SPECC1: variants seen among roughly 807,000 people sequenced by gnomAD.
SPECC1 encodes cytospin-B.
A neutral mutation model predicts 104.1 loss-of-function variants in SPECC1; 62 were observed. The ratio of observed to expected loss-of-function variants is 0.60; its 90% CI spans 0.49 to 0.74. The LOEUF (loss-of-function observed/expected upper bound fraction) is 0.74. Among genes scored for constraint, SPECC1 ranks in the 30% least tolerant of loss-of-function variants. The probability of loss-of-function intolerance (pLI) is 0.00; values close to 1 mark genes in which losing one functional copy is unlikely to be tolerated. For synonymous variants in SPECC1, 513 were observed against 501.6 expected (o/e 1.02, Z -0.30); for missense variants, 1,306 against 1,310.5 (o/e 1.00, Z 0.05).
chr17:20,229,376 G>A (rs191296616), intron 5 of SPECC1, among the ~76,000 whole-genome samples: 4 of 152,212 alleles, frequency 2.6e-5, no homozygotes, highest in African/African-American at 9.6e-5. Context: ...TCAACAAAGC[G>A]CATCAGGCTA....
chr17:20,194,502 A>ATTATTTTTTTTTTTTTTTTTTTTAT, intron 3 of SPECC1, among the ~76,000 whole-genome samples: 1 of 86,536 alleles, frequency 1.2e-5, no homozygotes, highest in South Asian at 4.2e-4. Context: ...AAGAGAACGA[A>ATTATTTTTTTTTTTTTTTTTTTTAT]TTTTTTTTTT....
chr17:20,095,469 C>A (rs776175267), intron 1 of SPECC1, among the ~76,000 whole-genome samples: 2 of 152,206 alleles, frequency 1.3e-5, no homozygotes, highest in South Asian at 4.1e-4. Context: ...TGGACACACG[C>A]CACCAGCTGG....
chr17:20,174,256 A>G (rs1414184910), intron 3 of SPECC1, among the ~76,000 whole-genome samples: 5 of 152,188 alleles, frequency 3.3e-5, no homozygotes, highest in African/African-American at 1.2e-4. Context: ...CCCCTGTTTA[A>G]AAAAAGAAAA....
At chr17:20,010,665 ATTG>A (rs2043911455) in intron 1 of SPECC1, among the ~76,000 whole-genome samples, 2 of 152,166 alleles carry the variant, frequency 1.3e-5, no homozygotes, top group African/African-American at 4.8e-5. Flanking sequence ...AGGTGATCTT[ATTG>A]TCTGTTAAAC....
At chr17:20,212,581 C>T (rs989474401) in intron 4 of SPECC1, among the ~76,000 whole-genome samples, 1 of 152,168 alleles carries the variant, frequency 6.6e-6, no homozygotes, top group East Asian at 1.9e-4. Flanking sequence ...AGACCTGCCT[C>T]CCTGATTCAA....
rs775470829 is a variant in SPECC1, at chr17:20,227,578, G to C, written c.2029G>C (p.Ala677Pro). The change falls in exon 5 of 15, where the codon GCT becomes CCT. Residue 677 changes from alanine (A) to proline (P), a missense_variant. Physicochemically the swap from Ala to Pro is conservative, Grantham distance 27. Around this residue, in one of 2 missense-constraint regions of SPECC1, gnomAD observed 1,177 missense variants for 1,139.9 expected, o/e 1.03. Transcript: ENST00000395527. ...ELEDQVEQHR[A>P]VKLHNNQLIS... The stretch of plus-strand genomic sequence containing the variant: ...GGAAGATCAGGTGGAACAGCACCGG[G>C]CTGTCAAGTTACACAATAATCAACT... 6.2e-7 allele frequency: 1 copy of C among 1,611,370 alleles called. No individual in the cohort carries two copies. The highest frequency in any genetic ancestry group is 8.5e-7 in the Non-Finnish European group (1 of 1,179,432).
At chr17:20,232,462 C>G in intron 7 of SPECC1, 57 bp downstream of exon 7, 2 of 1,533,222 alleles carry the variant, frequency 1.3e-6, no homozygotes, top group Non-Finnish European at 1.8e-6. Context: ...GTATGGGGCT[C>G]CCTGGTGGGG....
intron 7 of SPECC1, among the ~76,000 whole-genome samples, chr17:20,233,621 G>C (rs1294339732): frequency 1.3e-5 from 2 of 152,162 alleles, no homozygotes; most frequent in East Asian, 1.9e-4. Context: ...AGATTCTTCT[G>C]CCTCAGCCTT....
At chr17:20,268,406 C>T (rs8071309) in intron 12 of SPECC1, among the ~76,000 whole-genome samples, 60 of 152,366 alleles carry the variant, frequency 3.9e-4, no homozygotes, top group African/African-American at 1.4e-3. Flanking sequence ...TTCCCACAAA[C>T]AAGCACTAAA....
At chr17:20,167,273 A>T (rs2033735744) in intron 3 of SPECC1, among the ~76,000 whole-genome samples, 1 of 151,142 alleles carries the variant, frequency 6.6e-6, no homozygotes, top group African/African-American at 2.4e-5. Context: ...TAGAATAAAA[A>T]ATAGAAAATC....
intron 10 of SPECC1, among the ~76,000 whole-genome samples, chr17:20,254,429 C>T (rs2039751470): frequency 6.6e-6 from 1 of 152,092 alleles, no homozygotes; most frequent in South Asian, 2.1e-4. Context: ...CGGTCCACTT[C>T]CTAGGATTGT....
chr17:20,166,487 GAATTGAAAA>G (rs2033658313), intron 3 of SPECC1, among the ~76,000 whole-genome samples: 1 of 151,858 alleles, frequency 6.6e-6, no homozygotes, highest in Non-Finnish European at 1.5e-5. Context: ...AGTCAAATAG[GAATTGAAAA>G]CTACAATTAT....
chr17:20,138,140 T>C (rs1384514525), intron 3 of SPECC1, among the ~76,000 whole-genome samples: 1 of 152,058 alleles, frequency 6.6e-6, no homozygotes, highest in Non-Finnish European at 1.5e-5. Context: ...AGCTAAATTT[T>C]GTTTGTAGAG....
intron 3 of SPECC1, among the ~76,000 whole-genome samples, chr17:20,201,441 A>G (rs1326538293): frequency 6.6e-6 from 1 of 152,202 alleles, no homozygotes; most frequent in Non-Finnish European, 1.5e-5. Context: ...GAGGTCGCAC[A>G]TTGCATTCCA....
intron 3 of SPECC1, among the ~76,000 whole-genome samples, chr17:20,135,081 T>G (rs539093717): frequency 3.9e-5 from 6 of 152,238 alleles, no homozygotes; most frequent in Non-Finnish European, 8.8e-5. Flanking sequence ...CTGCTTTTCC[T>G]GGCTGCTGAC....
intron 7 of SPECC1, among the ~76,000 whole-genome samples, chr17:20,242,399 T>C (rs956298483): frequency 1.3e-5 from 2 of 152,254 alleles, no homozygotes; most frequent in Admixed American, 6.5e-5. Flanking sequence ...AGGAGGGCCA[T>C]GTGCCTTGCT....
rs1555535541 is a variant in SPECC1, at chr17:20,298,921, A to AAAGAGAGAGAGAGAG, written c.3057+1845_3057+1846insAGAGAGAGAGAGAGA. Among the ~76,000 whole-genome samples the AAAGAGAGAGAGAGAG allele has an allele frequency of 2.9e-3, 214 of 72,764 alleles. 2 individuals are homozygous for AAAGAGAGAGAGAGAG. Among genetic ancestry groups the AAAGAGAGAGAGAGAG allele is most frequent in the Non-Finnish European group, 4.0e-3 (165 of 41,044 alleles). The allele number at this position is 72,764 out of a possible 152,430, so 47.7% of individuals were successfully genotyped here. ...GAATTCTCCAAAAAAGCAGAACCAA[A>AAAGAGAGAGAGAGAG]AGAGAGAGAGAGAGAGAGAGAGAGA... On this transcript the variant is annotated intron_variant, in intron 13 of 14. Transcript: ENST00000395527.
chr17:20,041,007 C>T (rs527456633), intron 1 of SPECC1, among the ~76,000 whole-genome samples: 1 of 151,986 alleles, frequency 6.6e-6, no homozygotes, highest in Non-Finnish European at 1.5e-5. Flanking sequence ...CCTTCCCTCC[C>T]TCCTTCCCTT....
chr17:20,204,051 T>G (rs1339643208), intron 3 of SPECC1, among the ~76,000 whole-genome samples: 4 of 152,166 alleles, frequency 2.6e-5, no homozygotes, highest in Admixed American at 2.0e-4. Context: ...CTTTGTCACA[T>G]TGATCTTAAT....
Sources: allele counts gnomAD v4.1 joint callset (sites outside exome capture counted in the v4.1 genomes callset), GRCh38; gene constraint gnomAD v4.1.1; regional missense constraint gnomAD v4.1.1; transcripts MANE v1.5; gene names NCBI Gene and HGNC (gene_info 2026-07-23, HGNC 2026-07-21).